TCF12: variants seen among roughly 807,000 people sequenced by gnomAD.
TCF12 encodes the protein DNA-binding protein HTF4.
Under a neutral mutation model 86.0 loss-of-function variants are expected in TCF12, and 45 were observed. The ratio of observed to expected loss-of-function variants is 0.52; its 90% CI spans 0.41 to 0.67. TCF12 has a LOEUF of 0.67. Ranked by LOEUF, TCF12 falls within the 30% of genes least tolerant of loss-of-function variation. TCF12 has a pLI of 0.00. For synonymous variants in TCF12, 330 were observed against 299.6 expected (o/e 1.10, Z -1.05); for missense variants, 881 against 859.9 (o/e 1.02, Z -0.31).
intron 3 of TCF12, among the ~76,000 whole-genome samples, chr15:57,031,263 C>T (rs1408602360): frequency 6.6e-6 from 1 of 152,080 alleles, no homozygotes; most frequent in African/African-American, 2.4e-5. Flanking sequence ...TAGATGTGGC[C>T]TTGTGGAACT....
At chr15:57,047,460 A>G (rs1180449217) in intron 3 of TCF12, among the ~76,000 whole-genome samples, 1 of 152,226 alleles carries the variant, frequency 6.6e-6, no homozygotes, top group African/African-American at 2.4e-5. Context: ...ATTCAACAAT[A>G]ATAATTTGAG....
chr15:56,970,667 A>G (rs1456286138), intron 3 of TCF12, among the ~76,000 whole-genome samples: 1 of 152,092 alleles, frequency 6.6e-6, no homozygotes, highest in African/African-American at 2.4e-5. Context: ...AAGAGGAAAG[A>G]CTGATACATT....
At chr15:56,991,155 C>T (rs537278359) in intron 3 of TCF12, among the ~76,000 whole-genome samples, 2 of 152,124 alleles carry the variant, frequency 1.3e-5, no homozygotes, top group Non-Finnish European at 2.9e-5. Context: ...GCTCGCCTTA[C>T]GTAAATGTGT....
intron 18 of TCF12, among the ~76,000 whole-genome samples, chr15:57,266,234 T>G: frequency 6.6e-6 from 1 of 152,002 alleles, no homozygotes; most frequent in East Asian, 1.9e-4. Flanking sequence ...GATGCCACCA[T>G]GCCTGGCTAA....
At chr15:56,987,249 G>A (rs780956194) in intron 3 of TCF12, among the ~76,000 whole-genome samples, 1 of 152,008 alleles carries the variant, frequency 6.6e-6, no homozygotes, top group Non-Finnish European at 1.5e-5. Flanking sequence ...GAGTAGCTGG[G>A]ATTACAGGTG....
intron 3 of TCF12, among the ~76,000 whole-genome samples, chr15:56,978,446 T>C (rs1409447321): frequency 6.6e-6 from 1 of 152,092 alleles, no homozygotes; most frequent in Admixed American, 6.5e-5. Flanking sequence ...ATATGTAATA[T>C]AAAGAAAAAT....
chr15:56,946,197 ACT>A lies in TCF12; in HGVS notation c.148+25104_148+25105del, dbSNP rs1483401188. Among the ~76,000 whole-genome samples, 4 of 151,520 alleles carry A rather than the reference ACT, an allele frequency of 2.6e-5. No homozygotes were observed. In the South Asian group the frequency reaches 8.3e-4, roughly 32 times the overall value. On this transcript the variant is annotated intron_variant, in intron 3 of 20. Transcript: ENST00000333725. ...TCTATCTTTAAATATTTTTTGGTCC[ACT>A]CTCTTACCTTTCCTTCTAGGACTTC...
Position 57,147,656 on chromosome 15 carries a change from C to T in TCF12, c.326-18746C>T, listed in dbSNP as rs531209108. Among the ~76,000 whole-genome samples the T allele has an allele frequency of 9.8e-4, 149 of 152,142 alleles. 1 individual carries two copies. Among genetic ancestry groups the T allele is most frequent in the African/African-American group, 3.3e-3 (138 of 41,520 alleles). On this transcript the variant is annotated intron_variant, in intron 5 of 20. Transcript: ENST00000333725. ...TTATAAAATTATGAATGGAAAGAGA[C>T]AGTCACAGGAACAGAAAATGCAAAG...
chr15:57,187,104 T>C (rs2056713021), intron 6 of TCF12, among the ~76,000 whole-genome samples: 1 of 151,698 alleles, frequency 6.6e-6, no homozygotes, highest in African/African-American at 2.4e-5. Flanking sequence ...TGCTTGAACC[T>C]GGAGGTGGAC....
intron 8 of TCF12, among the ~76,000 whole-genome samples, chr15:57,208,096 C>T (rs1244461384): frequency 6.8e-6 from 1 of 147,604 alleles, no homozygotes; most frequent in African/African-American, 2.5e-5. Context: ...TACAGTGGTG[C>T]GATCTTGGCT....
intron 8 of TCF12, among the ~76,000 whole-genome samples, chr15:57,229,241 G>C (rs1489100443): frequency 6.6e-6 from 1 of 151,932 alleles, no homozygotes; most frequent in Non-Finnish European, 1.5e-5. Context: ...CTGCCTATCA[G>C]CCTGTACAAT....
chr15:56,987,851 A>G (rs534809616), intron 3 of TCF12, among the ~76,000 whole-genome samples: 95 of 152,344 alleles, frequency 6.2e-4, no homozygotes, highest in Admixed American at 1.1e-3. Context: ...GTGCATTTTC[A>G]AGATAAACTC....
At chr15:56,920,498 G>GTGTGTGTGTT (rs1203778340) in intron 2 of TCF12, among the ~76,000 whole-genome samples, 1 of 151,446 alleles carries the variant, frequency 6.6e-6, no homozygotes, top group Non-Finnish European at 1.5e-5. Flanking sequence ...GTGTGTGTGT[G>GTGTGTGTGTT]TGTGTGTGTG....
chr15:57,103,061 G>A (rs2049868544), intron 5 of TCF12, among the ~76,000 whole-genome samples: 1 of 152,184 alleles, frequency 6.6e-6, no homozygotes, highest in Admixed American at 6.5e-5. Flanking sequence ...AAGAACAGCT[G>A]CAAAGAGTCT....
intron 3 of TCF12, among the ~76,000 whole-genome samples, chr15:56,978,960 G>T (rs547321778): frequency 6.6e-6 from 1 of 152,310 alleles, no homozygotes; most frequent in African/African-American, 2.4e-5. Flanking sequence ...TTTTAATTGT[G>T]TAAAATGTGC....
At chr15:57,140,816 C>T (rs1484990941) in intron 5 of TCF12, among the ~76,000 whole-genome samples, 1 of 152,162 alleles carries the variant, frequency 6.6e-6, no homozygotes, top group Non-Finnish European at 1.5e-5. Context: ...GTCTATCTTA[C>T]TCTGCAATTT....
At chr15:57,083,970 A>G (rs967214799) in intron 4 of TCF12, among the ~76,000 whole-genome samples, 2 of 152,148 alleles carry the variant, frequency 1.3e-5, no homozygotes, top group Admixed American at 6.5e-5. Context: ...CATTTAATAT[A>G]TGGGACTGGT....
Position 56,921,057 on chromosome 15 carries a change from C to G in TCF12, c.107C>G (p.Thr36Ser), listed in dbSNP as rs1259333674. 8 of 1,607,990 alleles carry G rather than the reference C, an allele frequency of 5.0e-6. No homozygotes were observed. Among genetic ancestry groups the G allele is most frequent in the Middle Eastern group, 1.7e-4 (1 of 6,040 alleles). ...TCCCCACCTGTTAATAGTGGGAAAA[C>G]TAGACCAACTACACTGGGAAGCAGT... ...MFSPPVNSGK[T>S]RPTTLGSSQF... The change falls in exon 3 of 21, where the codon ACT (threonine) becomes AGT (serine). Residue 36 changes from threonine to serine, a missense_variant. Physicochemically the swap from Thr to Ser is moderately conservative, Grantham distance 58 (BLOSUM62 1). Coordinates refer to ENST00000333725, the MANE Select transcript of TCF12 (RefSeq NM_207037.2).
chr15:57,045,385 AT>A (rs1387101707), intron 3 of TCF12, among the ~76,000 whole-genome samples: 1 of 152,146 alleles, frequency 6.6e-6, no homozygotes, highest in Non-Finnish European at 1.5e-5. Context: ...AAAAGAGTTG[AT>A]TTGTGATAAA....
Sources: gnomAD v4.1 joint callset for allele counts (sites outside exome capture counted in the v4.1 genomes callset) on GRCh38, gnomAD v4.1.1 for gene constraint, MANE v1.5 for transcripts, NCBI Gene and HGNC (gene_info 2026-07-23, HGNC 2026-07-21) for gene names.